Variants in TMEM161A observed in about 807,000 individuals in gnomAD.
TMEM161A encodes the protein transmembrane protein 161A, also known as adaptive response to oxidative stress protein 29.
Under a neutral mutation model 57.1 loss-of-function variants are expected in TMEM161A, and 46 were observed. The ratio of observed to expected loss-of-function variants is 0.81; its 90% CI spans 0.64 to 1.03. The LOEUF is 1.03. Among genes scored for constraint, TMEM161A ranks in the 50% least tolerant of loss-of-function variants. The pLI is 0.00. For missense variants in TMEM161A, 601 were observed against 621.5 expected, an observed-to-expected ratio of 0.97 and a Z score of 0.35; for synonymous variants, 288 against 279.0, an observed-to-expected ratio of 1.03 and a Z score of -0.32.
At chr19:19,133,001 G>T in intron 3 of TMEM161A, 129 bp downstream of exon 3, 1 of 848,938 alleles carries the variant, frequency 1.2e-6, no homozygotes, top group Non-Finnish European at 1.8e-6. Context: ...CCTGTGCCCA[G>T]ATCAGCGCCT....
At chr19:19,126,259 C>T (rs1034461748) in intron 6 of TMEM161A, among the ~76,000 whole-genome samples, 1 of 152,000 alleles carries the variant, frequency 6.6e-6, no homozygotes, top group African/African-American at 2.4e-5. Flanking sequence ...AACTTCCATT[C>T]ATCAAGACAC....
Position 19,121,094 on chromosome 19 carries a change from C to T in TMEM161A, c.987G>A (p.Val329=). 1 of 1,610,892 alleles carries T rather than the reference C, an allele frequency of 6.2e-7. No homozygotes were observed. The highest frequency in any genetic ancestry group is 2.2e-5 in the East Asian group (1 of 44,864). The change falls in exon 10 of 12, where the codon GTG becomes GTA. Residue 329 remains valine (V), a synonymous_variant. Coordinates refer to ENST00000162044, the MANE Select transcript of TMEM161A (RefSeq NM_017814.3). The surrounding 1 kb of genome is among the most constrained non-coding windows in gnomAD (Gnocchi z 5.8). ...GGTAGGCCTGCAGGTGGGGCCGGGT[C>T]ACCGCCAGCCGCAGCAGGCACAGCA... is the stretch of plus-strand genomic sequence containing the variant. The part of the protein sequence containing the change: ...LVVLCLLRLA[V]TRPHLQAYLC...
At chr19:19,126,878 A>G (rs1445220834) in intron 6 of TMEM161A, among the ~76,000 whole-genome samples, 2 of 151,972 alleles carry the variant, frequency 1.3e-5, no homozygotes, top group Non-Finnish European at 2.9e-5. Context: ...AAAAAATAAA[A>G]ATAAAAATAA....
intron 3 of TMEM161A, 54 bp downstream of exon 3, chr19:19,133,076 T>C: frequency 6.4e-7 from 1 of 1,555,786 alleles, no homozygotes; most frequent in Non-Finnish European, 8.8e-7. Flanking sequence ...GGTGAGGCCG[T>C]TCCTGGGGAG....
At position 19,121,902 on chromosome 19, in the gene TMEM161A, A is replaced by G. The variant is rs991424915; in HGVS notation, c.596-83T>C. 2 of 1,490,728 alleles carry G rather than the reference A, an allele frequency of 1.3e-6. No individual in the cohort carries two copies. The highest frequency in any genetic ancestry group is 9.2e-7 in the Non-Finnish European group (1 of 1,089,760). 92.3% of individuals were successfully genotyped at this position (1,490,728 alleles called of 1,614,324 possible). ...TCTGTTCCCTAACCCCCCATCCCTC[A>G]GGCATCCGTTTGCTTCCCAAGTAGG... On this transcript the variant is annotated intron_variant, in intron 6 of 11. Transcript: ENST00000162044. The surrounding 1 kb of genome is among the most constrained non-coding windows in gnomAD (Gnocchi z 5.8).
chr19:19,129,558 CA>C (rs2059947458), intron 6 of TMEM161A, among the ~76,000 whole-genome samples: 2 of 151,594 alleles, frequency 1.3e-5, no homozygotes, highest in African/African-American at 2.4e-5. Context: ...CCAGCCTGGG[CA>C]ACATAGTGAG....
rs761014954 is a variant in TMEM161A, at chr19:19,130,252, G to A, written c.499C>T (p.Arg167Cys). The A allele has an allele frequency of 7.4e-6, 12 of 1,613,858 alleles. No individual in the cohort carries two copies. The highest frequency in any genetic ancestry group is 2.7e-5 in the African/African-American group (2 of 75,046). Residue 167 changes from arginine to cysteine, a missense_variant, in exon 6 of 12, where the codon CGC becomes TGC. Arg to Cys is a radical substitution (Grantham distance 180, BLOSUM62 -3). Transcript: ENST00000162044. Reference protein sequence around the residue: ...LYFSAEEGGERSVCLTFAFLF... With the variant: ...LYFSAEEGGECSVCLTFAFLF... ...AAGGCAAAGGTGAGGCAGACAGAGC[G>A]CTCACCCCCCTCCTCGGCGCTGAAG...
chr19:19,130,691 C>A (rs2059954285), intron 5 of TMEM161A, among the ~76,000 whole-genome samples: 1 of 152,076 alleles, frequency 6.6e-6, no homozygotes, highest in African/African-American at 2.4e-5. Flanking sequence ...AATCCCAGCA[C>A]TTTGGGAGGC....
In TMEM161A at chr19:19,121,427, G is replaced by T; in HGVS notation, c.801-6C>A. ...AGCTGGTGTGCAGGAGGAACCTGGGGGGTGAGGGCAGGAGGGAGTGAGGCC... is the reference window on the plus strand; with the variant it reads ...AGCTGGTGTGCAGGAGGAACCTGGGTGGTGAGGGCAGGAGGGAGTGAGGCC... On this transcript the variant is annotated splice_polypyrimidine_tract_variant and splice_region_variant and intron_variant, in intron 8 of 11. Transcript: ENST00000162044. The surrounding 1 kb of genome is among the most constrained non-coding windows in gnomAD (Gnocchi z 5.8). The T allele has an allele frequency of 6.2e-7, 1 of 1,613,896 alleles. No individual in the cohort carries two copies. Among genetic ancestry groups the T allele is most frequent in the Non-Finnish European group, 8.5e-7 (1 of 1,179,820 alleles).
At chr19:19,129,354 T>C (rs1467488293) in intron 6 of TMEM161A, among the ~76,000 whole-genome samples, 1 of 152,080 alleles carries the variant, frequency 6.6e-6, no homozygotes, top group Non-Finnish European at 1.5e-5. Context: ...GTCAGCAGGG[T>C]CATGTGGGCC....
At chr19:19,136,395 C>A (rs564893532) in intron 1 of TMEM161A, among the ~76,000 whole-genome samples, 2 of 152,226 alleles carry the variant, frequency 1.3e-5, no homozygotes, top group South Asian at 4.1e-4. Context: ...GTGGCTCGTG[C>A]CTGTAATCCC....
chr19:19,134,750 C>A, intron 2 of TMEM161A, 34 bp downstream of exon 2: 1 of 1,499,790 alleles, frequency 6.7e-7, no homozygotes, highest in Non-Finnish European at 9.0e-7. Flanking sequence ...GGCGTGACTC[C>A]GCGGGCCCCT....
At chr19:19,130,406 T>A in intron 5 of TMEM161A, 99 bp from the exon 6 acceptor site, 1 of 1,485,088 alleles carries the variant, frequency 6.7e-7, no homozygotes, top group South Asian at 1.2e-5. Flanking sequence ...GAACAAGCAC[T>A]GCTGCACAAA....
At chr19:19,128,169 G>A (rs1306627481) in intron 6 of TMEM161A, among the ~76,000 whole-genome samples, 2 of 151,800 alleles carry the variant, frequency 1.3e-5, no homozygotes, top group Non-Finnish European at 2.9e-5. Context: ...TTTCAGTTTT[G>A]CAAGAGCAAA....
intron 6 of TMEM161A, among the ~76,000 whole-genome samples, chr19:19,127,695 G>A (rs1167448755): frequency 4.6e-5 from 7 of 152,030 alleles, no homozygotes; most frequent in Admixed American, 6.6e-5. Flanking sequence ...GTTGGGAGGC[G>A]GAGGTGAGAG....
chr19:19,132,353 T>A lies in TMEM161A; in HGVS notation c.442A>T (p.Ile148Phe). 1 of 1,611,980 alleles carries A rather than the reference T, an allele frequency of 6.2e-7. No individual in the cohort carries two copies. Among genetic ancestry groups the A allele is most frequent in the Non-Finnish European group, 8.5e-7 (1 of 1,178,742 alleles). The change falls in exon 5 of 12, where the codon ATC (isoleucine) becomes TTC (phenylalanine). Residue 148 changes from isoleucine to phenylalanine, a missense_variant and splice_region_variant. Ile to Phe is a conservative substitution (Grantham distance 21). Coordinates refer to ENST00000162044, the MANE Select transcript of TMEM161A (RefSeq NM_017814.3). The surrounding 1 kb of genome is among the most constrained non-coding windows in gnomAD (Gnocchi z 4.3). The part of the protein sequence containing the change: ...FWCLLTVTFS[I>F]KMFLTVTRLY... ...GCAGGGAGCAGAGAGGAAGGATACA[T>A]GGAGAAGGTCACCGTGAGCAGGCAC...
chr19:19,134,262 C>A (rs1018154199), intron 2 of TMEM161A, among the ~76,000 whole-genome samples: 2 of 152,076 alleles, frequency 1.3e-5, no homozygotes, highest in Non-Finnish European at 2.9e-5. Context: ...GATGGTTCCA[C>A]ACATGTGTAC....
intron 2 of TMEM161A, among the ~76,000 whole-genome samples, chr19:19,134,242 G>A (rs1244703666): frequency 6.6e-6 from 1 of 152,116 alleles, no homozygotes; most frequent in East Asian, 1.9e-4. Flanking sequence ...AGGGACGTGG[G>A]GAGTGTGGTG....
intron 6 of TMEM161A, 111 bp downstream of exon 6, chr19:19,130,045 A>T: frequency 7.9e-7 from 1 of 1,272,910 alleles, no homozygotes; most frequent in Non-Finnish European, 1.1e-6. Context: ...TCACCCCAGG[A>T]GCCCACTCCT....
Sources: allele counts gnomAD v4.1 joint callset (sites outside exome capture counted in the v4.1 genomes callset), GRCh38; gene constraint gnomAD v4.1.1; non-coding constraint Gnocchi (gnomAD v3.1); transcripts MANE v1.5; gene names NCBI Gene and HGNC (gene_info 2026-07-23, HGNC 2026-07-21).